The following F7 variants were observed in gnomAD, a reference collection of about 807,000 sequenced individuals.
The protein encoded by F7 is FVII coagulation protein.
F7 carries 38 observed loss-of-function variants against 47.5 expected under a neutral mutation model. The ratio of observed to expected loss-of-function variants is 0.80; its 90% CI spans 0.62 to 1.05. The LOEUF is 1.05. Ranked by LOEUF, F7 falls within the 50% of genes least tolerant of loss-of-function variation. F7 has a pLI of 0.00. For missense variants in F7, 575 were observed against 605.4 expected, an observed-to-expected ratio of 0.95 and a Z score of 0.53; for synonymous variants, 244 against 258.5, an observed-to-expected ratio of 0.94 and a Z score of 0.54.
chr13:113,118,889 T>C lies in F7; in HGVS notation c.1216T>C (p.Cys406Arg). The change falls in exon 8 of 8, where the codon TGC becomes CGC. Residue 406 changes from cysteine (C) to arginine (R), a missense_variant. Physicochemically the swap from Cys to Arg is radical, Grantham distance 180 (BLOSUM62 -3). Coordinates refer to ENST00000346342, the MANE Select transcript of F7 (RefSeq NM_019616.4). ...GGGCATCGTCAGCTGGGGCCAGGGC[T>C]GCGCAACCGTGGGCCACTTTGGGGT... ...LTGIVSWGQGCATVGHFGVYT... is the reference protein window; with the variant it reads ...LTGIVSWGQGRATVGHFGVYT... 1 of 1,612,506 alleles carries C rather than the reference T, an allele frequency of 6.2e-7. No homozygotes were observed. The highest frequency in any genetic ancestry group is 8.5e-7 in the Non-Finnish European group (1 of 1,179,820).
chr13:113,118,974 G>A lies in F7; in HGVS notation c.1301G>A (p.Arg434His), dbSNP rs767892850. The change falls in exon 8 of 8, where the codon CGC (arginine) becomes CAC (histidine). Residue 434 changes from arginine (R) to histidine (H), a missense_variant. Coordinates refer to ENST00000346342, the MANE Select transcript of F7 (RefSeq NM_019616.4). ...CAAAAGCTCATGCGCTCAGAGCCAC[G>A]CCCAGGAGTCCTCCTGCGAGCCCCA... The part of the protein sequence containing the change: ...WLQKLMRSEP[R>H]PGVLLRAPFP The A allele has an allele frequency of 3.9e-5, 62 of 1,602,912 alleles. 1 individual carries two copies. The highest frequency in any genetic ancestry group is 3.6e-4 in the South Asian group (33 of 91,078).
chr13:113,109,444 C>T (rs1183279723), intron 1 of F7, among the ~76,000 whole-genome samples: 2 of 152,134 alleles, frequency 1.3e-5, no homozygotes, highest in Admixed American at 1.3e-4. Flanking sequence ...GGGGCGTCGA[C>T]GTGTGAAACT....
intron 2 of F7, among the ~76,000 whole-genome samples, chr13:113,112,199 A>C (rs1157508382): frequency 7.3e-6 from 1 of 137,596 alleles, no homozygotes; most frequent in Non-Finnish European, 1.6e-5. Context: ...CCCACAGGAC[A>C]CCTCACACAG....
In F7 at chr13:113,113,804, C is replaced by T; in HGVS notation, c.250+28C>T. Reference sequence around the variant, plus strand: ...GAGTGGATGATCACCACCAGTCCTGCCTGCAACCCTTCTCAGCTTACTGAC... The same window carrying T: ...GAGTGGATGATCACCACCAGTCCTGTCTGCAACCCTTCTCAGCTTACTGAC... On this transcript the variant is annotated intron_variant, in intron 3 of 7. Transcript: ENST00000346342. This position sits in a 1 kb window ranked among gnomAD's most constrained non-coding sequence, Gnocchi z 4.1. 6.2e-7 allele frequency: 1 copy of T among 1,614,194 alleles called. No homozygotes were observed. The highest frequency in any genetic ancestry group is 8.5e-7 in the Non-Finnish European group (1 of 1,180,036).
At chr13:113,109,243 C>T (rs2036041541) in intron 1 of F7, among the ~76,000 whole-genome samples, 1 of 150,346 alleles carries the variant, frequency 6.7e-6, no homozygotes, top group Admixed American at 6.6e-5. Flanking sequence ...TGTGGGTGTC[C>T]CGGGGGTCGT....
intron 4 of F7, 132 bp from the exon 5 acceptor site, chr13:113,115,528 G>T: frequency 1.0e-6 from 1 of 979,698 alleles, no homozygotes; most frequent in Non-Finnish European, 1.6e-6. Flanking sequence ...CCAAGCTCAG[G>T]CTCTGTCACC....
In F7 at chr13:113,116,783, A is replaced by G. The variant is rs1250204261; in HGVS notation, c.523A>G (p.Lys175Glu). Residue 175 changes from lysine to glutamate, a missense_variant, in exon 6 of 8, where the codon AAA becomes GAA. Lys to Glu is a moderately conservative substitution (Grantham distance 56). Transcript: ENST00000346342. ...TTACACAGTTGAATATCCATGTGGA[A>G]AAATACCTATTCTAGAAAAAAGAAA... ...CTPTVEYPCGKIPILEKRNAS... is the reference protein window; with the variant it reads ...CTPTVEYPCGEIPILEKRNAS... The G allele has an allele frequency of 3.1e-6, 5 of 1,613,650 alleles. No homozygotes were observed. The highest frequency in any genetic ancestry group is 4.2e-6 in the Non-Finnish European group (5 of 1,179,842).
intron 2 of F7, among the ~76,000 whole-genome samples, chr13:113,111,983 ACACT>A (rs1380720439): frequency 7.0e-6 from 1 of 143,738 alleles, no homozygotes; most frequent in East Asian, 2.1e-4. Flanking sequence ...AGGACACCTC[ACACT>A]CAGGGTGCAC....
At position 113,115,591 on chromosome 13, in the gene F7, G is replaced by T. The variant is rs2036178636; in HGVS notation, c.365-69G>T. 3 of 1,562,924 alleles carry T rather than the reference G, an allele frequency of 1.9e-6. No individual in the cohort carries two copies. In the East Asian group the frequency reaches 7.1e-5, roughly 37 times the overall value. On this transcript the variant is annotated intron_variant, in intron 4 of 7. Coordinates refer to ENST00000346342, the MANE Select transcript of F7 (RefSeq NM_019616.4). ...AACACCACTGCTGACCCAGGGCATG[G>T]CCACCCCGGGGGCTGGCTCTCGCTG...
chr13:113,117,410 G>A, intron 6 of F7, 63 bp from the exon 7 acceptor site: 11 of 1,604,796 alleles, frequency 6.9e-6, no homozygotes. Flanking sequence ...TGCCCGGGAG[G>A]GCGAGTCATC....
At position 113,117,543 on chromosome 13, in the gene F7, C is replaced by A. The variant is rs747989049; in HGVS notation, c.686C>A (p.Ala229Glu). Residue 229 changes from alanine to glutamate, a missense_variant, in exon 7 of 8, where the codon GCG becomes GAG. Physicochemically the swap from Ala to Glu is moderately radical, Grantham distance 107 (BLOSUM62 -1). Coordinates refer to ENST00000346342, the MANE Select transcript of F7 (RefSeq NM_019616.4). ...TLINTIWVVS[A>E]AHCFDKIKNW... ...ATCAACACCATCTGGGTGGTCTCCG[C>A]GGCCCACTGTTTCGACAAAATCAAG... 2 of 1,614,170 alleles carry A rather than the reference C, an allele frequency of 1.2e-6. No homozygotes were observed.
chr13:113,107,274 GGCGTGGGTGTCCCAGGA>G (rs2035980480), intron 1 of F7, among the ~76,000 whole-genome samples: 11 of 63,190 alleles, frequency 1.7e-4, no homozygotes, highest in East Asian at 3.9e-4. Flanking sequence ...GTGTCCCGGG[GGCGTGGGTGTCCCAGGA>G]GTGTGGGTGT....
At chr13:113,115,153 G>C (rs1029310883) in intron 4 of F7, among the ~76,000 whole-genome samples, 3 of 152,210 alleles carry the variant, frequency 2.0e-5, no homozygotes, top group African/African-American at 7.2e-5. Context: ...CCAAAGTCAG[G>C]CTGCCGGTTC....
intron 1 of F7, among the ~76,000 whole-genome samples, chr13:113,109,562 G>C (rs1433792815): frequency 6.6e-6 from 1 of 152,190 alleles, no homozygotes; most frequent in Non-Finnish European, 1.5e-5. Context: ...GGCCGCTCCT[G>C]CAGAACTCGG....
intron 2 of F7, among the ~76,000 whole-genome samples, chr13:113,112,649 A>G: frequency 6.8e-6 from 1 of 146,044 alleles, no homozygotes; most frequent in South Asian, 2.3e-4. Context: ...AGGTCACCTC[A>G]CACCCACAGG....
chr13:113,110,126 G>A (rs1158856020), intron 1 of F7, among the ~76,000 whole-genome samples: 3 of 152,194 alleles, frequency 2.0e-5, no homozygotes, highest in African/African-American at 7.2e-5. Context: ...GGGGAAGGCG[G>A]CAGAAGCCCA....
At chr13:113,109,131 C>A (rs1287629347) in intron 1 of F7, among the ~76,000 whole-genome samples, 104 of 59,836 alleles carry the variant, frequency 1.7e-3, no homozygotes, top group Admixed American at 2.3e-3. Flanking sequence ...GTCCCGGGGG[C>A]GTGGGTGTCC....
intron 6 of F7, 167 bp downstream of exon 6, chr13:113,117,042 G>C (rs1269917841): frequency 1.4e-6 from 1 of 710,640 alleles, no homozygotes; most frequent in South Asian, 1.5e-5. Context: ...TGCTTTTAGT[G>C]GGGCAAGGAA....
chr13:113,109,138 G>A (rs1428974215), intron 1 of F7, among the ~76,000 whole-genome samples: 17 of 137,992 alleles, frequency 1.2e-4, no homozygotes, highest in East Asian at 4.9e-4. Context: ...GGGCGTGGGT[G>A]TCCCGGGAGT....
Sources: gnomAD v4.1 joint callset for allele counts (sites outside exome capture counted in the v4.1 genomes callset) on GRCh38, gnomAD v4.1.1 for gene constraint, Gnocchi (gnomAD v3.1) non-coding constraint, MANE v1.5 for transcripts, NCBI Gene and HGNC (gene_info 2026-07-23, HGNC 2026-07-21) for gene names.